Variants in TRAPPC9 observed in about 807,000 individuals in gnomAD.
The protein encoded by TRAPPC9 is IKK2 binding protein.
In TRAPPC9, 83 loss-of-function variants were observed where a neutral mutation model predicts 124.0. That is an observed-to-expected ratio of 0.67 (90% CI 0.56 to 0.80). TRAPPC9 has a LOEUF of 0.80. Ranked by LOEUF, TRAPPC9 falls within the 30% of genes least tolerant of loss-of-function variation. The pLI is 0.00. For missense variants in TRAPPC9, 1,302 were observed against 1,508.3 expected, an observed-to-expected ratio of 0.86 and a Z score of 2.27; for synonymous variants, 638 against 617.5, an observed-to-expected ratio of 1.03 and a Z score of -0.49.
At chr8:139,841,599 G>A (rs1826734234) in intron 21 of TRAPPC9, among the ~76,000 whole-genome samples, 1 of 152,250 alleles carries the variant, frequency 6.6e-6, no homozygotes, top group African/African-American at 2.4e-5. Flanking sequence ...GCCAGGTAGG[G>A]AGGGTGGTGC....
rs182193332 is a variant in TRAPPC9, at chr8:140,283,449, C to T, written c.2114+440G>A. On this transcript the variant is annotated intron_variant, in intron 14 of 22. Coordinates refer to ENST00000438773, the MANE Select transcript of TRAPPC9 (RefSeq NM_001160372.4). ...AGCTGTGACTACAGGCGCCCGCCAC[C>T]ACGCCTGGCTAATTTTTTTTTTTAT... 8.6e-3 allele frequency among the ~76,000 whole-genome samples: 1,296 copies of T among 150,862 alleles called. 7 individuals are homozygous for T. The highest frequency in any genetic ancestry group is 0.014 in the Non-Finnish European group (934 of 67,656).
intron 9 of TRAPPC9, among the ~76,000 whole-genome samples, chr8:140,335,374 T>C (rs752385862): frequency 2.0e-5 from 3 of 152,122 alleles, no homozygotes; most frequent in Non-Finnish European, 4.4e-5. Context: ...ACTCAGGCAT[T>C]AGAATGGGCA....
intron 17 of TRAPPC9, among the ~76,000 whole-genome samples, chr8:140,137,460 A>AGC (rs2061322866): frequency 1.3e-5 from 2 of 151,836 alleles, no homozygotes; most frequent in Admixed American, 1.3e-4. Flanking sequence ...TGGAGCGGGT[A>AGC]GTGAGCTTTC....
intron 20 of TRAPPC9, among the ~76,000 whole-genome samples, chr8:139,890,790 T>C (rs958310705): frequency 1.1e-4 from 16 of 151,884 alleles, no homozygotes; most frequent in African/African-American, 3.9e-4. Flanking sequence ...GGCACATGTA[T>C]ACGTATGTAA....
At chr8:140,002,347 G>C (rs945965303) in intron 18 of TRAPPC9, among the ~76,000 whole-genome samples, 2 of 152,064 alleles carry the variant, frequency 1.3e-5, no homozygotes, top group Admixed American at 6.5e-5. Flanking sequence ...AGAAGTATAT[G>C]CAGTGCTCAG....
At chr8:140,190,002 A>C (rs1405712938) in intron 17 of TRAPPC9, among the ~76,000 whole-genome samples, 1 of 152,170 alleles carries the variant, frequency 6.6e-6, no homozygotes, top group African/African-American at 2.4e-5. Context: ...TAAGTTTTGA[A>C]GCACAAATAC....
chr8:139,929,621 C>G (rs911491637), intron 19 of TRAPPC9, among the ~76,000 whole-genome samples: 1 of 152,262 alleles, frequency 6.6e-6, no homozygotes, highest in African/African-American at 2.4e-5. Context: ...CTGCTTCTTC[C>G]TGAGCTACAG....
chr8:140,153,769 C>T (rs1218582025), intron 17 of TRAPPC9, among the ~76,000 whole-genome samples: 4 of 152,138 alleles, frequency 2.6e-5, no homozygotes, highest in Non-Finnish European at 5.9e-5. Flanking sequence ...TTTCAATAGC[C>T]GCAGATACAT....
intron 21 of TRAPPC9, among the ~76,000 whole-genome samples, chr8:139,855,083 C>T (rs536578021): frequency 7.7e-4 from 118 of 152,290 alleles, no homozygotes; most frequent in South Asian, 2.5e-3. Flanking sequence ...AGGCGGGAGA[C>T]GCTGCCTCCT....
rs1821408839 is a variant in TRAPPC9, at chr8:139,776,667, T to A, written c.3056-44465A>T. Among the ~76,000 whole-genome samples the A allele has an allele frequency of 6.6e-6, 1 of 152,032 alleles. No individual in the cohort carries two copies. The highest frequency in any genetic ancestry group is 1.5e-5 in the Non-Finnish European group (1 of 67,994). Reference sequence around the variant, plus strand: ...GCCTGTGTGCACGTGTGTGTCTGTGTGTGTGTGCGCACACACACACAGAAA... The same window carrying A: ...GCCTGTGTGCACGTGTGTGTCTGTGAGTGTGTGCGCACACACACACAGAAA... On this transcript the variant is annotated intron_variant, in intron 21 of 22. Coordinates refer to ENST00000438773, the MANE Select transcript of TRAPPC9 (RefSeq NM_001160372.4). The surrounding 1 kb of genome is among the most constrained non-coding windows in gnomAD (Gnocchi z 4.1).
At chr8:139,968,219 G>T (rs1415504827) in intron 19 of TRAPPC9, among the ~76,000 whole-genome samples, 1 of 152,092 alleles carries the variant, frequency 6.6e-6, no homozygotes, top group Non-Finnish European at 1.5e-5. Flanking sequence ...GTGCTTCTGT[G>T]TGCTCTTTCA....
intron 21 of TRAPPC9, among the ~76,000 whole-genome samples, chr8:139,835,347 A>G (rs1015487251): frequency 5.3e-5 from 8 of 152,236 alleles, no homozygotes; most frequent in Non-Finnish European, 1.0e-4. Flanking sequence ...TCACTGAGCC[A>G]AGGAACCTGG....
At chr8:140,355,167 G>A (rs374319729) in intron 9 of TRAPPC9, among the ~76,000 whole-genome samples, 20 of 152,234 alleles carry the variant, frequency 1.3e-4, no homozygotes, top group Non-Finnish European at 1.9e-4. Flanking sequence ...CACAGTGTGC[G>A]TCCCCTTCCC....
At chr8:140,289,972 C>T (rs1036119217) in intron 12 of TRAPPC9, among the ~76,000 whole-genome samples, 1 of 152,188 alleles carries the variant, frequency 6.6e-6, no homozygotes, top group Admixed American at 6.5e-5. Context: ...CAACAGCCAC[C>T]ACGTGTCCAC....
At chr8:139,831,514 C>T (rs1825993509) in intron 21 of TRAPPC9, among the ~76,000 whole-genome samples, 1 of 152,194 alleles carries the variant, frequency 6.6e-6, no homozygotes, top group Admixed American at 6.5e-5. Flanking sequence ...CAAATCACCT[C>T]AATTTAACTG....
intron 19 of TRAPPC9, among the ~76,000 whole-genome samples, chr8:139,958,267 C>G (rs1471717504): frequency 6.6e-6 from 1 of 152,244 alleles, no homozygotes; most frequent in Non-Finnish European, 1.5e-5. Flanking sequence ...ACCTCTTGAG[C>G]TGGCAGGTGT....
intron 21 of TRAPPC9, among the ~76,000 whole-genome samples, chr8:139,756,258 C>G (rs77138953): frequency 7.0e-5 from 7 of 100,400 alleles, no homozygotes; most frequent in African/African-American, 3.9e-4. Context: ...GACAGCAGGT[C>G]GCAGTAGGAG....
intron 21 of TRAPPC9, among the ~76,000 whole-genome samples, chr8:139,807,841 T>C (rs1381686643): frequency 1.3e-5 from 2 of 152,180 alleles, no homozygotes; most frequent in African/African-American, 4.8e-5. Flanking sequence ...CTCTATTGAA[T>C]GAACAAAGCA....
At chr8:140,409,863 G>A (rs577044592) in intron 5 of TRAPPC9, among the ~76,000 whole-genome samples, 7 of 152,286 alleles carry the variant, frequency 4.6e-5, no homozygotes, top group Admixed American at 6.5e-5. Context: ...GGCGCTGGGC[G>A]CAGTGGCTCA....
Sources: gnomAD v4.1 joint callset for allele counts (sites outside exome capture counted in the v4.1 genomes callset) on GRCh38, gnomAD v4.1.1 for gene constraint, Gnocchi (gnomAD v3.1) non-coding constraint, MANE v1.5 for transcripts, NCBI Gene and HGNC (gene_info 2026-07-23, HGNC 2026-07-21) for gene names.